MTRR: variants seen among roughly 807,000 people sequenced by gnomAD.
MTRR encodes the protein methionine synthase reductase.
In MTRR, 63 loss-of-function variants were observed where a neutral mutation model predicts 79.2. That is an observed-to-expected ratio of 0.80 (90% CI 0.65 to 0.98). The LOEUF is 0.98. Among genes scored for constraint, MTRR ranks in the 50% least tolerant of loss-of-function variants. MTRR has a pLI of 0.00. For missense variants in MTRR, 895 were observed against 839.6 expected (o/e 1.07, Z -0.82); for synonymous variants, 355 against 313.3 (o/e 1.13, Z -1.41).
At chr5:7,894,270 A>G (rs1738131021) in intron 11 of MTRR, among the ~76,000 whole-genome samples, 1 of 152,246 alleles carries the variant, frequency 6.6e-6, no homozygotes, top group Non-Finnish European at 1.5e-5. Flanking sequence ...TGACTTTTGC[A>G]AGACCTATCA....
In MTRR at chr5:7,895,376, C is replaced by T. The variant is rs931008473; in HGVS notation, c.1558-358C>T. Among the ~76,000 whole-genome samples, 17 of 152,240 alleles carry T rather than the reference C, an allele frequency of 1.1e-4. 1 individual carries two copies. Among genetic ancestry groups the T allele is most frequent in the Admixed American group, 1.0e-3 (16 of 15,296 alleles). On this transcript the variant is annotated intron_variant, in intron 11 of 14. Transcript: ENST00000440940. The stretch of plus-strand genomic sequence containing the variant: ...TCGTGATGCTAATCTTTATTGTCTT[C>T]ATATTTAGGGTACATTTCTCCATAA...
chr5:7,861,756 G>C (rs1334145770), intron 1 of MTRR: 1 of 1,487,276 alleles, frequency 6.7e-7, no homozygotes, highest in Admixed American at 2.2e-5. Context: ...ACCTTGCATT[G>C]ATCAATTGGA....
At chr5:7,882,715 C>T (rs1735769529) in intron 5 of MTRR, among the ~76,000 whole-genome samples, 1 of 152,130 alleles carries the variant, frequency 6.6e-6, no homozygotes, top group Admixed American at 6.5e-5. Flanking sequence ...CTGTATTTCA[C>T]CAGCCATATT....
At chr5:7,898,419 A>G (rs983611471) in intron 14 of MTRR, among the ~76,000 whole-genome samples, 6 of 61,272 alleles carry the variant, frequency 9.8e-5, no homozygotes, top group Non-Finnish European at 1.2e-4. Flanking sequence ...GCTCCTCCCA[A>G]TCACTGGTGC....
chr5:7,889,052 C>T (rs1028191968), intron 8 of MTRR, 43 bp from the exon 9 acceptor site: 4 of 1,610,210 alleles, frequency 2.5e-6, no homozygotes, highest in Non-Finnish European at 3.4e-6. Context: ...AATAGCTCTA[C>T]CCACAAATTG....
chr5:7,893,311 A>T (rs1352044977), intron 11 of MTRR: 6 of 195,462 alleles, frequency 3.1e-5, no homozygotes, highest in Non-Finnish European at 6.4e-5. Flanking sequence ...GTAGTTTTAC[A>T]TTGGGAGTCT....
rs1355059196 is a variant in MTRR, at chr5:7,870,904, G to A, written c.110G>A (p.Cys37Tyr). 6.2e-7 allele frequency: 1 copy of A among 1,614,192 alleles called. No homozygotes were observed. The highest frequency in any genetic ancestry group is 8.5e-7 in the Non-Finnish European group (1 of 1,180,008). Residue 37 changes from cysteine (C) to tyrosine (Y), a missense_variant, in exon 2 of 15, where the codon TGT becomes TAT. Transcript: ENST00000440940. ...CATGGATTTTCTGCAGATCTTCACT[G>A]TATTAGTGAATCCGATAAGGTTAGA... is the stretch of plus-strand genomic sequence containing the variant. ...VVHGFSADLHCISESDKYDLK... is the reference protein window; with the variant it reads ...VVHGFSADLHYISESDKYDLK...
rs185235284 is a variant in MTRR, at chr5:7,875,357, A to G, written c.383A>G (p.His128Arg). 376 of 1,611,916 alleles carry G rather than the reference A, an allele frequency of 2.3e-4. No homozygotes were observed. Among genetic ancestry groups the G allele is most frequent in the Middle Eastern group, 6.6e-4 (4 of 6,058 alleles). The stretch of plus-strand genomic sequence containing the variant: ...GCCCGGCATTTCTATGACACTGGAC[A>G]TGCAGATGACTGTGTAGGGTAAGGG... ...LGARHFYDTGHADDCVGLELV... is the reference protein window; with the variant it reads ...LGARHFYDTGRADDCVGLELV... Residue 128 changes from histidine (H) to arginine (R), a missense_variant, in exon 4 of 15, where the codon CAT becomes CGT. Transcript: ENST00000440940.
chr5:7,868,989 C>G (rs780059102), upstream of MTRR: 2 of 933,036 alleles, frequency 2.1e-6, no homozygotes, highest in African/African-American at 1.6e-5. Flanking sequence ...CGCGCTCTGC[C>G]GGGCAATCAC....
chr5:7,867,586 A>G, upstream of MTRR: 1 of 1,614,270 alleles, frequency 6.2e-7, no homozygotes, highest in Non-Finnish European at 8.5e-7. Flanking sequence ...GCTCCTTTTC[A>G]AACTGAAAGC....
Position 7,878,037 on chromosome 5 carries a change from C to T in MTRR, c.495C>T (p.Gly165=), listed in dbSNP as rs139333376. 25 of 1,613,636 alleles carry T rather than the reference C, an allele frequency of 1.5e-5. No homozygotes were observed. In the African/African-American group the frequency reaches 2.1e-4, roughly 14 times the overall value. The change falls in exon 5 of 15, where the codon GGC becomes GGT. Residue 165 remains glycine (G), a synonymous_variant. Coordinates refer to ENST00000440940, the MANE Select transcript of MTRR (RefSeq NM_002454.3). ...RSSRGQEEIS[G]ALPVASPASS... Reference sequence around the variant, plus strand: ...GCAGAGGACAAGAGGAGATAAGTGGCGCACTCCCGGTGGCATCACCTGCAT... The same window carrying T: ...GCAGAGGACAAGAGGAGATAAGTGGTGCACTCCCGGTGGCATCACCTGCAT...
exon 1 of MTRR, chr5:7,851,243 A>C: frequency 2.3e-6 from 1 of 429,590 alleles, no homozygotes; most frequent in Non-Finnish European, 3.9e-6. Context: ...CCCCTCGACT[A>C]CACCTGGGGT....
At chr5:7,897,336 G>T in intron 14 of MTRR, 89 bp downstream of exon 14, 2 of 1,245,878 alleles carry the variant, frequency 1.6e-6, no homozygotes, top group Non-Finnish European at 2.4e-6. Flanking sequence ...CAATAATCTA[G>T]ATATGTAGGG....
chr5:7,859,518 T>A, intron 1 of MTRR: 1 of 1,603,652 alleles, frequency 6.2e-7, no homozygotes, highest in Non-Finnish European at 8.5e-7. Flanking sequence ...GATTTTAGCA[T>A]CCCAATCTCA....
At chr5:7,883,370 G>T in intron 6 of MTRR, 93 bp downstream of exon 6, 1 of 1,548,442 alleles carries the variant, frequency 6.5e-7, no homozygotes. Flanking sequence ...TGAGTGGTGT[G>T]CTGCTTGGTT....
intron 1 of MTRR, among the ~76,000 whole-genome samples, chr5:7,858,386 G>C (rs1337156890): frequency 6.6e-6 from 1 of 152,052 alleles, no homozygotes; most frequent in East Asian, 1.9e-4. Context: ...GGTCCCAAAT[G>C]AGCGGCAAGG....
At chr5:7,858,761 TCTC>T (rs988270282) in intron 1 of MTRR, among the ~76,000 whole-genome samples, 25 of 151,958 alleles carry the variant, frequency 1.6e-4, no homozygotes, top group African/African-American at 5.5e-4. Flanking sequence ...CTTGTCCTCT[TCTC>T]CTTGAAACTG....
chr5:7,877,565 A>G (rs879605397), intron 4 of MTRR, among the ~76,000 whole-genome samples: 2 of 151,096 alleles, frequency 1.3e-5, no homozygotes, highest in African/African-American at 2.4e-5. Context: ...GCATTATGGT[A>G]GCCTTGGATT....
chr5:7,891,698 C>T (rs1025046331), intron 10 of MTRR, among the ~76,000 whole-genome samples: 1 of 152,096 alleles, frequency 6.6e-6, no homozygotes, highest in Non-Finnish European at 1.5e-5. Flanking sequence ...GCCCAGCCAC[C>T]TTCACTGAGT....
Sources: allele counts gnomAD v4.1 joint callset (sites outside exome capture counted in the v4.1 genomes callset), GRCh38; gene constraint gnomAD v4.1.1; transcripts MANE v1.5; gene names NCBI Gene and HGNC (gene_info 2026-07-23, HGNC 2026-07-21).